AGRN: variants seen among roughly 807,000 people sequenced by gnomAD.
The protein encoded by AGRN is agrin.
Under a neutral mutation model 211.0 loss-of-function variants are expected in AGRN, and 106 were observed. The ratio of observed to expected loss-of-function variants is 0.50; its 90% CI spans 0.43 to 0.59. The LOEUF is 0.59. Among genes scored for constraint, AGRN ranks in the 20% least tolerant of loss-of-function variants. The probability of loss-of-function intolerance (pLI) is 0.00; values close to 1 mark genes in which losing one functional copy is unlikely to be tolerated. For synonymous variants in AGRN, 1,525 were observed against 1,332.5 expected (o/e 1.14, Z -3.15); for missense variants, 3,040 against 2,982.6 (o/e 1.02, Z -0.45).
chr1:1,022,660 A>G (rs1281732917), intron 2 of AGRN, among the ~76,000 whole-genome samples, 198 bp downstream of exon 2: 1 of 152,188 alleles, frequency 6.6e-6, no homozygotes, highest in African/African-American at 2.4e-5. Context: ...CACATTAGAC[A>G]TCTTTGGCCC....
Position 1,047,448 on chromosome 1 carries a change from G to C in AGRN, c.3510G>C (p.Glu1170Asp), listed in dbSNP as rs1307807290. 6.2e-7 allele frequency: 1 copy of C among 1,612,826 alleles called. No homozygotes were observed. Among genetic ancestry groups the C allele is most frequent in the African/African-American group, 1.3e-5 (1 of 75,058 alleles). ...TCGGGGAGACAGCCAGGAGCATTGA[G>C]AGCACCGTAAGACGGGGGCGCAGCC... ...ELFGETARSI[E>D]STLDDLFRNS... Residue 1170 changes from glutamate (E) to aspartate (D), a missense_variant, in exon 20 of 36, where the codon GAG (glutamate) becomes GAC (aspartate). By Grantham distance (45) the Glu-to-Asp change is conservative. Transcript: ENST00000379370.
At chr1:1,023,879 C>G (rs544045505) in intron 2 of AGRN, among the ~76,000 whole-genome samples, 1 of 152,192 alleles carries the variant, frequency 6.6e-6, no homozygotes, top group Non-Finnish European at 1.5e-5. Context: ...GTGGGTGTGG[C>G]TTAGCCCAGC....
At position 1,040,840 on chromosome 1, in the gene AGRN, C is replaced by G; in HGVS notation, c.687C>G (p.Ser229Arg). 2.0e-6 allele frequency: 3 copies of G among 1,533,224 alleles called. No homozygotes were observed. The highest frequency in any genetic ancestry group is 2.8e-5 in the African/African-American group (2 of 72,296). 95.0% of individuals were successfully genotyped at this position (1,533,224 alleles called of 1,614,324 possible). ...NECELQRAQCSQQRRIRLLSR... is the reference protein window; with the variant it reads ...NECELQRAQCRQQRRIRLLSR... ...GCGAGCTGCAGCGGGCGCAGTGCAGCCAGCAGCGCCGCATCCGCCTGCTCA... is the reference window on the plus strand; with the variant it reads ...GCGAGCTGCAGCGGGCGCAGTGCAGGCAGCAGCGCCGCATCCGCCTGCTCA... Residue 229 changes from serine to arginine, a missense_variant, in exon 4 of 36, where the codon AGC (serine) becomes AGG (arginine). Around this residue, in one of 3 missense-constraint regions of AGRN, gnomAD observed 1,498 missense variants for 1,457.8 expected, o/e 1.03. Coordinates refer to ENST00000379370, the MANE Select transcript of AGRN (RefSeq NM_198576.4).
chr1:1,038,799 G>A (rs1411640704), intron 3 of AGRN, among the ~76,000 whole-genome samples: 2 of 152,232 alleles, frequency 1.3e-5, no homozygotes, highest in African/African-American at 4.8e-5. Context: ...GATTTGGACT[G>A]GGAGTCCCAG....
Position 1,046,140 on chromosome 1 carries a change from A to G in AGRN, c.2806-20A>G. 6.2e-7 allele frequency: 1 copy of G among 1,613,856 alleles called. No individual in the cohort carries two copies. The highest frequency in any genetic ancestry group is 8.5e-7 in the Non-Finnish European group (1 of 1,179,982). On this transcript the variant is annotated intron_variant, in intron 16 of 35. Coordinates refer to ENST00000379370, the MANE Select transcript of AGRN (RefSeq NM_198576.4). ...GTGGGGAGGAGGCCTCGCCTTGAAC[A>G]TCCTTGTTCTCTGCCCCAGGTCTGT...
At chr1:1,025,947 G>A (rs1474240418) in intron 2 of AGRN, among the ~76,000 whole-genome samples, 5 of 152,164 alleles carry the variant, frequency 3.3e-5, no homozygotes, top group African/African-American at 9.7e-5. Flanking sequence ...GACTTGTCCC[G>A]TCTTTGACTT....
At chr1:1,022,578 C>T (rs1284022423) in intron 2 of AGRN, 116 bp downstream of exon 2, 1 of 511,990 alleles carries the variant, frequency 2.0e-6, no homozygotes, top group Non-Finnish European at 2.8e-6. Flanking sequence ...GGCTGCAGCA[C>T]ACGGTGTCTT....
In AGRN at chr1:1,043,999, G is replaced by A; in HGVS notation, c.1975G>A (p.Ala659Thr). ...CCTCCAGCAGACACAGATCGAGGAG[G>A]CCCGGGCAGGGCCGTGCGAGCAGGG... The part of the protein sequence containing the change: ...ACLQQTQIEE[A>T]RAGPCEQAEC... The change falls in exon 10 of 36, where the codon GCC (alanine) becomes ACC (threonine). Residue 659 changes from alanine (A) to threonine (T), a missense_variant. This residue lies in a region of AGRN where 1,498 missense variants were observed against 1,457.8 expected (regional missense o/e 1.03). Transcript: ENST00000379370. 6.2e-7 allele frequency: 1 copy of A among 1,607,416 alleles called. No individual in the cohort carries two copies. Among genetic ancestry groups the A allele is most frequent in the Non-Finnish European group, 8.5e-7 (1 of 1,179,042 alleles).
chr1:1,033,886 G>C (rs986524506), intron 2 of AGRN, among the ~76,000 whole-genome samples: 1 of 146,762 alleles, frequency 6.8e-6, no homozygotes, highest in Non-Finnish European at 1.5e-5. Flanking sequence ...GCGCTCTCCC[G>C]TCCGCATCCG....
rs138206193 is a variant in AGRN at position 1,031,011 on chromosome 1, ATGTG to A, written c.464-4259_464-4256del. Among the ~76,000 whole-genome samples, 2 of 64,436 alleles carry A rather than the reference ATGTG, an allele frequency of 3.1e-5. No individual in the cohort carries two copies. The highest frequency in any genetic ancestry group is 5.2e-5 in the African/African-American group (1 of 19,086). 42.3% of individuals were successfully genotyped at this position (64,436 alleles called of 152,430 possible). On this transcript the variant is annotated intron_variant, in intron 2 of 35. Coordinates refer to ENST00000379370, the MANE Select transcript of AGRN (RefSeq NM_198576.4). The surrounding 1 kb of genome is among the most constrained non-coding windows in gnomAD (Gnocchi z 4.8). ...GCATGGTGCTGAGTGTGAGATCAGC[ATGTG>A]TGTGTGCAGTGCATGGTGCTGTGAG...
chr1:1,036,215 A>G (rs1240972659), intron 3 of AGRN, among the ~76,000 whole-genome samples: 1 of 152,108 alleles, frequency 6.6e-6, no homozygotes, highest in Non-Finnish European at 1.5e-5. Flanking sequence ...CCTGGGCTGG[A>G]TAGATCGTCT....
In AGRN at chr1:1,051,658, C is replaced by G. The variant is rs1454883991; in HGVS notation, c.5563+13C>G. Reference sequence around the variant, plus strand: ...CACTGCGAGAAGGGTGAGCCTGGCACAGGGCAGGGGGCGGAGGCCGGATGG... The same window carrying G: ...CACTGCGAGAAGGGTGAGCCTGGCAGAGGGCAGGGGGCGGAGGCCGGATGG... On this transcript the variant is annotated intron_variant, in intron 32 of 35. Coordinates refer to ENST00000379370, the MANE Select transcript of AGRN (RefSeq NM_198576.4). The G allele has an allele frequency of 5.0e-6, 8 of 1,612,596 alleles. No individual in the cohort carries two copies. The highest frequency in any genetic ancestry group is 2.2e-5 in the South Asian group (2 of 91,042).
intron 1 of AGRN, 50 bp downstream of exon 1, chr1:1,020,423 C>A: frequency 6.8e-7 from 1 of 1,469,318 alleles, no homozygotes. Context: ...GCCGCCCCGC[C>A]GGGACCCCCG....
At position 1,044,556 on chromosome 1, in the gene AGRN, TGTAA is replaced by T. The variant is rs1446215320; in HGVS notation, c.2254+120_2254+123del. The T allele has an allele frequency of 6.8e-5, 75 of 1,103,094 alleles. No homozygotes were observed. In the East Asian group the frequency reaches 1.8e-3, roughly 27 times the overall value. 68.3% of individuals were successfully genotyped at this position (1,103,094 alleles called of 1,614,324 possible). ...GCCCCTGTGGACGTGTGTATTGTGT[TGTAA>T]GTGAGCATCGTCCAGTGTTGGTGCC... On this transcript the variant is annotated intron_variant, in intron 12 of 35. Transcript: ENST00000379370.
At chr1:1,027,780 C>T (rs1644550988) in intron 2 of AGRN, among the ~76,000 whole-genome samples, 1 of 152,168 alleles carries the variant, frequency 6.6e-6, no homozygotes, top group Admixed American at 6.5e-5. Flanking sequence ...CAGACCAGGC[C>T]TGGTCAGGGT....
rs536194916 is a variant in AGRN at position 1,041,303 on chromosome 1, C to T, written c.858C>T (p.Gly286=). ...CRGAPEGTVC[G]SDGADYPGEC... is the part of the protein sequence containing the mutation. Reference sequence around the variant, plus strand: ...GCGCCCCCGAGGGGACCGTCTGCGGCAGCGACGGCGCCGACTACCCCGGCG... The same window carrying T: ...GCGCCCCCGAGGGGACCGTCTGCGGTAGCGACGGCGCCGACTACCCCGGCG... The change falls in exon 5 of 36, where the codon GGC becomes GGT. Residue 286 remains glycine, a synonymous_variant. Transcript: ENST00000379370. 11 of 1,518,606 alleles carry T rather than the reference C, an allele frequency of 7.2e-6. No homozygotes were observed. In the South Asian group the frequency reaches 1.2e-4, roughly 17 times the overall value. 94.1% of individuals were successfully genotyped at this position (1,518,606 alleles called of 1,614,324 possible). A position where few individuals can be genotyped will look rare whatever the true frequency, so the allele number is the denominator to read the frequency against.
At chr1:1,050,635 C>G in intron 29 of AGRN, 44 bp downstream of exon 29, 5 of 1,603,382 alleles carry the variant, frequency 3.1e-6, no homozygotes, top group South Asian at 1.1e-5. Context: ...GGCACTGGCC[C>G]GGGGCCGGGG....
intron 3 of AGRN, among the ~76,000 whole-genome samples, chr1:1,039,117 A>T (rs1419716911): frequency 6.6e-6 from 1 of 152,196 alleles, no homozygotes; most frequent in African/African-American, 2.4e-5. Flanking sequence ...CAGGCAGGTG[A>T]TAACCTGCCC....
At position 1,020,269 on chromosome 1, in the gene AGRN, G is replaced by T; in HGVS notation, c.97G>T (p.Glu33Ter). The change falls in exon 1 of 36, where the codon GAG (glutamate) becomes TAG (stop). Residue 33 changes from glutamate to a stop codon, truncating the protein, a stop_gained. Coordinates refer to ENST00000379370, the MANE Select transcript of AGRN (RefSeq NM_198576.4). LOFTEE classifies it high-confidence loss of function. ...VLPGAGGTCP[E>*]RALERREEEA... ...GCCCGGAGCCGGCGGGACATGCCCG[G>T]AGCGCGCGCTGGAGCGGCGCGAGGA... is the stretch of plus-strand genomic sequence containing the variant. 6.8e-7 allele frequency: 1 copy of T among 1,468,712 alleles called. No homozygotes were observed. The highest frequency in any genetic ancestry group is 2.3e-5 in the Admixed American group (1 of 42,702). 91.0% of individuals were successfully genotyped at this position (1,468,712 alleles called of 1,614,324 possible). A position where few individuals can be genotyped will look rare whatever the true frequency, so the allele number is the denominator to read the frequency against.
Sources: gnomAD v4.1 joint callset for allele counts (sites outside exome capture counted in the v4.1 genomes callset) on GRCh38, gnomAD v4.1.1 for gene constraint, gnomAD v4.1.1 regional missense constraint, Gnocchi (gnomAD v3.1) non-coding constraint, MANE v1.5 for transcripts, NCBI Gene and HGNC (gene_info 2026-07-23, HGNC 2026-07-21) for gene names.